The following ATXN1 variants were observed in gnomAD, a reference collection of about 807,000 sequenced individuals.
The protein encoded by ATXN1 is ataxin-1.
ATXN1 carries 8 observed loss-of-function variants against 56.4 expected under a neutral mutation model. That is an observed-to-expected ratio of 0.14 (90% CI 0.08 to 0.26). The LOEUF is 0.26. Ranked by LOEUF, ATXN1 falls within the 10% of genes least tolerant of loss-of-function variation. ATXN1 has a pLI of 1.00. For synonymous variants in ATXN1, 514 were observed against 494.6 expected, an observed-to-expected ratio of 1.04 and a Z score of -0.52; for missense variants, 987 against 1,106.5, an observed-to-expected ratio of 0.89 and a Z score of 1.53.
At chr6:16,319,570 G>A (rs1288831795) in intron 7 of ATXN1, among the ~76,000 whole-genome samples, 1 of 152,172 alleles carries the variant, frequency 6.6e-6, no homozygotes, top group African/African-American at 2.4e-5. Flanking sequence ...AACACAGAGT[G>A]AACTGTAGTA....
intron 3 of ATXN1, among the ~76,000 whole-genome samples, chr6:16,608,964 C>T (rs977129566): frequency 1.3e-5 from 2 of 152,068 alleles, no homozygotes; most frequent in Admixed American, 1.3e-4. Flanking sequence ...TCTGAACATC[C>T]ATTTCCCACA....
chr6:16,532,634 T>C (rs538091546), intron 4 of ATXN1, among the ~76,000 whole-genome samples: 1 of 152,212 alleles, frequency 6.6e-6, no homozygotes, highest in South Asian at 2.1e-4. Context: ...TCACTAATCA[T>C]TAGGAAAATG....
intron 6 of ATXN1, among the ~76,000 whole-genome samples, chr6:16,401,995 G>A (rs1758583530): frequency 6.6e-6 from 1 of 152,052 alleles, no homozygotes; most frequent in South Asian, 2.1e-4. Context: ...ATGGTGGCAG[G>A]CAAAAAATGA....
chr6:16,561,922 C>T (rs1225448205), intron 4 of ATXN1, among the ~76,000 whole-genome samples: 3 of 152,046 alleles, frequency 2.0e-5, no homozygotes. Flanking sequence ...CCCTCAGGAC[C>T]TGGAAGATGT....
At chr6:16,591,906 C>T (rs1762729767) in intron 3 of ATXN1, among the ~76,000 whole-genome samples, 1 of 152,108 alleles carries the variant, frequency 6.6e-6, no homozygotes, top group Non-Finnish European at 1.5e-5. Context: ...GTTTTCACTT[C>T]CAGATGCATC....
chr6:16,328,031 T>A lies in ATXN1; in HGVS notation c.280A>T (p.Arg94Trp), dbSNP rs142423255. Residue 94 changes from arginine (R) to tryptophan (W), a missense_variant, in exon 7 of 8, where the codon AGG (arginine) becomes TGG (tryptophan). By Grantham distance (101) the Arg-to-Trp change is moderately radical (BLOSUM62 -3). Coordinates refer to ENST00000436367, the MANE Select transcript of ATXN1 (RefSeq NM_001128164.2). This position sits in a 1 kb window ranked among gnomAD's most constrained non-coding sequence, Gnocchi z 6.2. Reference protein sequence around the residue: ...GLDYSPPSAPRSVPVATTLPA... With the variant: ...GLDYSPPSAPWSVPVATTLPA... ...AGCGTGGTGGCCACGGGGACAGACC[T>A]GGGAGCGCTGGGCGGGGAGTAGTCC... 1 of 1,613,696 alleles carries A rather than the reference T, an allele frequency of 6.2e-7. No individual in the cohort carries two copies. The highest frequency in any genetic ancestry group is 8.5e-7 in the Non-Finnish European group (1 of 1,179,744).
chr6:16,725,708 C>A (rs1383055654), intron 2 of ATXN1, among the ~76,000 whole-genome samples: 1 of 152,178 alleles, frequency 6.6e-6, no homozygotes, highest in Non-Finnish European at 1.5e-5. Flanking sequence ...TATTTATGCC[C>A]AGATAAGGGA....
At chr6:16,356,788 G>C (rs775857772) in intron 6 of ATXN1, among the ~76,000 whole-genome samples, 1 of 152,150 alleles carries the variant, frequency 6.6e-6, no homozygotes, top group Non-Finnish European at 1.5e-5. Flanking sequence ...CCTAAGAGAA[G>C]CTTGAAGACA....
chr6:16,564,447 G>A lies in ATXN1; in HGVS notation c.-361+21333C>T, dbSNP rs887660549. On this transcript the variant is annotated intron_variant, in intron 4 of 7. Transcript: ENST00000436367. Reference sequence around the variant, plus strand: ...CTGTTCATAATAGTGAAAGAGTGGAGACAACCCAAATGTCCATCAACTGAT... The same window carrying A: ...CTGTTCATAATAGTGAAAGAGTGGAAACAACCCAAATGTCCATCAACTGAT... Among the ~76,000 whole-genome samples the A allele has an allele frequency of 2.6e-5, 4 of 152,166 alleles. No individual in the cohort carries two copies. The East Asian group carries it at 7.7e-4, about 29-fold the overall frequency.
At chr6:16,458,246 T>C (rs1759919641) in intron 6 of ATXN1, among the ~76,000 whole-genome samples, 1 of 152,192 alleles carries the variant, frequency 6.6e-6, no homozygotes, top group African/African-American at 2.4e-5. Flanking sequence ...TCATGGGAAC[T>C]GGAGTCGCAA....
chr6:16,549,723 C>G (rs1242078182), intron 4 of ATXN1, among the ~76,000 whole-genome samples: 1 of 151,912 alleles, frequency 6.6e-6, no homozygotes, highest in Admixed American at 6.6e-5. Flanking sequence ...CATGGTGAAA[C>G]CCCGTCTCTA....
chr6:16,646,650 G>A (rs1250750969), intron 3 of ATXN1, among the ~76,000 whole-genome samples: 1 of 152,228 alleles, frequency 6.6e-6, no homozygotes, highest in African/African-American at 2.4e-5. Context: ...GCCCTCCCGT[G>A]TGGAATGCCT....
chr6:16,612,135 A>T (rs936511623), intron 3 of ATXN1, among the ~76,000 whole-genome samples: 5 of 152,030 alleles, frequency 3.3e-5, no homozygotes, highest in African/African-American at 1.2e-4. Flanking sequence ...CTGGGATTAC[A>T]GGTGTGAGCC....
At chr6:16,662,460 G>A (rs1448433569) in intron 2 of ATXN1, among the ~76,000 whole-genome samples, 3 of 152,142 alleles carry the variant, frequency 2.0e-5, no homozygotes, top group African/African-American at 7.2e-5. Flanking sequence ...AGCCTCCCAA[G>A]TAGCTGGGAT....
intron 3 of ATXN1, among the ~76,000 whole-genome samples, chr6:16,596,977 TG>T (rs1373748561): frequency 6.6e-6 from 1 of 152,346 alleles, no homozygotes; most frequent in Admixed American, 6.5e-5. Flanking sequence ...TCCTGCTCCC[TG>T]ATTGGGTGTC....
intron 2 of ATXN1, among the ~76,000 whole-genome samples, chr6:16,703,368 T>C (rs1171874693): frequency 2.6e-5 from 4 of 152,090 alleles, no homozygotes; most frequent in South Asian, 2.1e-4. Flanking sequence ...CATTAGGAGA[T>C]ATACCTAATG....
chr6:16,456,419 C>T (rs1759874396), intron 6 of ATXN1, among the ~76,000 whole-genome samples: 1 of 152,198 alleles, frequency 6.6e-6, no homozygotes, highest in Non-Finnish European at 1.5e-5. Flanking sequence ...ATGTCAGGCT[C>T]TCTGGGAAAG....
chr6:16,654,898 T>G (rs1758159198), intron 3 of ATXN1, among the ~76,000 whole-genome samples: 1 of 152,170 alleles, frequency 6.6e-6, no homozygotes, highest in South Asian at 2.1e-4. Context: ...TGTGGTTTCC[T>G]GCACTTCATA....
chr6:16,508,357 A>G (rs1374774590), intron 5 of ATXN1, among the ~76,000 whole-genome samples: 1 of 152,220 alleles, frequency 6.6e-6, no homozygotes, highest in Non-Finnish European at 1.5e-5. Context: ...TGTCTTTGAG[A>G]TTAAATAATT....
Sources: allele counts gnomAD v4.1 joint callset (sites outside exome capture counted in the v4.1 genomes callset), GRCh38; gene constraint gnomAD v4.1.1; non-coding constraint Gnocchi (gnomAD v3.1); transcripts MANE v1.5; gene names NCBI Gene and HGNC (gene_info 2026-07-23, HGNC 2026-07-21).